The following ERG variants were observed in gnomAD, a reference collection of about 807,000 sequenced individuals.
ERG encodes the protein ETS transcription factor ERG, also known as transcriptional regulator ERG.
Under a neutral mutation model 55.3 loss-of-function variants are expected in ERG, and 9 were observed. The ratio of observed to expected loss-of-function variants is 0.16; its 90% confidence interval spans 0.10 to 0.28. The LOEUF (loss-of-function observed/expected upper bound fraction) is 0.28, where lower values mean the gene tolerates loss of function less well. Ranked by LOEUF, ERG falls within the 10% of genes least tolerant of loss-of-function variation. The pLI is 1.00. For missense variants in ERG, 434 were observed against 631.6 expected, an observed-to-expected ratio of 0.69 and a Z score of 3.35; for synonymous variants, 223 against 237.3, an observed-to-expected ratio of 0.94 and a Z score of 0.55.
chr21:38,482,471 T>C (rs1056658230), intron 1 of ERG, among the ~76,000 whole-genome samples: 2 of 152,006 alleles, frequency 1.3e-5, no homozygotes, highest in African/African-American at 2.4e-5. Context: ...CCTAAAGAAA[T>C]TAAAAATAGA....
rs138048546 is a variant in ERG, at chr21:38,552,902, A to C, written c.-41+22760T>G. Among the ~76,000 whole-genome samples, 638 of 152,148 alleles carry C rather than the reference A, an allele frequency of 4.2e-3. 9 individuals are homozygous for C. The highest frequency in any genetic ancestry group is 4.2e-3 in the Non-Finnish European group (286 of 67,978). Reference sequence around the variant, plus strand: ...AAATGGGAAGAGAGGAAGTCAAACTATCTCTCTTCACAGAGGACGTGATTT... The same window carrying C: ...AAATGGGAAGAGAGGAAGTCAAACTCTCTCTCTTCACAGAGGACGTGATTT... On this transcript the variant is annotated intron_variant, in intron 2 of 8. Transcript: ENST00000398897.
chr21:38,408,189 A>T (rs1018674761), intron 3 of ERG, among the ~76,000 whole-genome samples: 6 of 152,104 alleles, frequency 3.9e-5, no homozygotes, highest in Non-Finnish European at 8.8e-5. Flanking sequence ...TCTCCTGAGC[A>T]CTCGCACCAC....
At chr21:38,618,976 C>T (rs1387981624) in intron 1 of ERG, among the ~76,000 whole-genome samples, 2 of 152,182 alleles carry the variant, frequency 1.3e-5, no homozygotes, top group Non-Finnish European at 2.9e-5. Context: ...GGATAAGGAC[C>T]TGAAACATGA....
At chr21:38,429,916 T>C (rs1990126731) in intron 2 of ERG, among the ~76,000 whole-genome samples, 1 of 152,186 alleles carries the variant, frequency 6.6e-6, no homozygotes, top group Non-Finnish European at 1.5e-5. Context: ...CTGGATCAAA[T>C]GGTAGTTTTA....
In ERG at chr21:38,422,389, G is replaced by A. The variant is rs1463906204; in HGVS notation, c.388+1021C>T. ...GAGACTAAAGGAGTAAGGCAGACCT[G>A]CCTGAGTCCTAACTTGGCCTCTTAT... is the stretch of plus-strand genomic sequence containing the variant. On this transcript the variant is annotated intron_variant, in intron 3 of 9. Transcript: ENST00000288319. Among the ~76,000 whole-genome samples, 8 of 152,244 alleles carry A rather than the reference G, an allele frequency of 5.3e-5. No homozygotes were observed. The East Asian group carries it at 1.5e-3, about 29-fold the overall frequency.
At chr21:38,553,111 T>C (rs1341653156) in intron 2 of ERG, among the ~76,000 whole-genome samples, 1 of 151,922 alleles carries the variant, frequency 6.6e-6, no homozygotes, top group Non-Finnish European at 1.5e-5. Context: ...AAAAATACAA[T>C]ACTTAAGGGT....
At chr21:38,561,261 C>G (rs2059891127) in intron 2 of ERG, among the ~76,000 whole-genome samples, 1 of 152,082 alleles carries the variant, frequency 6.6e-6, no homozygotes. Context: ...TATCTTCTCC[C>G]TCTTGGTCTG....
chr21:38,604,321 A>C (rs1287940359), intron 1 of ERG, among the ~76,000 whole-genome samples: 1 of 152,044 alleles, frequency 6.6e-6, no homozygotes, highest in African/African-American at 2.4e-5. Context: ...TGTCTACAAA[A>C]TTATGAGAAT....
At position 38,387,865 on chromosome 21, in the gene ERG, G is replaced by A. The variant is rs371508013; in HGVS notation, c.919+3130C>T. 7.9e-5 allele frequency among the ~76,000 whole-genome samples: 12 copies of A among 152,344 alleles called. No individual in the cohort carries two copies. The East Asian group carries it at 2.1e-3, about 27-fold the overall frequency. On this transcript the variant is annotated intron_variant, in intron 9 of 9. Transcript: ENST00000288319. Reference sequence around the variant, plus strand: ...ATCATGTGATTAGTCCATTGGAGAAGTGACGAAATTGGAGCTTAGAGAGGT... The same window carrying A: ...ATCATGTGATTAGTCCATTGGAGAAATGACGAAATTGGAGCTTAGAGAGGT...
intron 2 of ERG, among the ~76,000 whole-genome samples, chr21:38,537,351 G>A (rs1425846102): frequency 6.6e-5 from 10 of 151,752 alleles, no homozygotes; most frequent in Admixed American, 6.6e-4. Context: ...AGTCAAACAA[G>A]CTATCAACAA....
intron 1 of ERG, among the ~76,000 whole-genome samples, chr21:38,606,249 A>AT (rs1477843622): frequency 6.6e-6 from 1 of 152,134 alleles, no homozygotes; most frequent in African/African-American, 2.4e-5. Flanking sequence ...TTGATAGAAG[A>AT]TAGGTAGGTA....
rs138825224 is a variant in ERG at position 38,506,211 on chromosome 21, A to G, written c.-41+69451T>C. On this transcript the variant is annotated intron_variant, in intron 2 of 8. Coordinates refer to the ERG transcript ENST00000398897. Reference sequence around the variant, plus strand: ...AATGATTTTAAAGCCTGAAAAATTTACCACTTTACAATAATTTTAGATTGT... The same window carrying G: ...AATGATTTTAAAGCCTGAAAAATTTGCCACTTTACAATAATTTTAGATTGT... Among the ~76,000 whole-genome samples the G allele has an allele frequency of 1.1e-4, 17 of 152,312 alleles. No homozygotes were observed. In the East Asian group the frequency reaches 2.9e-3, roughly 26 times the overall value.
intron 2 of ERG, among the ~76,000 whole-genome samples, chr21:38,512,736 T>C (rs1201214798): frequency 1.3e-5 from 2 of 152,162 alleles, no homozygotes; most frequent in African/African-American, 4.8e-5. Context: ...AAATTTAGGA[T>C]AAAACAAGTG....
At chr21:38,416,689 A>G (rs559702779) in intron 3 of ERG, among the ~76,000 whole-genome samples, 12 of 152,242 alleles carry the variant, frequency 7.9e-5, no homozygotes, top group Non-Finnish European at 1.8e-4. Flanking sequence ...GCATTTGAGA[A>G]TACAATATGA....
the ERG span, among the ~76,000 whole-genome samples, chr21:38,370,472 T>C: frequency 3.3e-5 from 5 of 152,144 alleles, no homozygotes; most frequent in Non-Finnish European, 5.9e-5. Context: ...GTTGTAGTTT[T>C]TATGTCTTGT....
At chr21:38,511,594 C>A (rs2059512037) in intron 2 of ERG, among the ~76,000 whole-genome samples, 1 of 152,116 alleles carries the variant, frequency 6.6e-6, no homozygotes, top group Non-Finnish European at 1.5e-5. Context: ...AACAATTCTG[C>A]CAATGAAAAT....
intron 1 of ERG, among the ~76,000 whole-genome samples, chr21:38,630,111 A>C (rs2060348430): frequency 6.6e-6 from 1 of 152,110 alleles, no homozygotes; most frequent in Non-Finnish European, 1.5e-5. Context: ...GAAAGGGGGA[A>C]GGGGGAATTA....
At chr21:38,392,534 A>G in intron 6 of ERG, 90 bp from the exon 7 acceptor site, 1 of 971,124 alleles carries the variant, frequency 1.0e-6, no homozygotes, top group South Asian at 2.2e-5. Context: ...TATTTATTAG[A>G]ATAAACTTTG....
At chr21:38,484,361 T>C (rs917722185) in intron 1 of ERG, among the ~76,000 whole-genome samples, 2 of 152,208 alleles carry the variant, frequency 1.3e-5, no homozygotes, top group Non-Finnish European at 2.9e-5. Context: ...TCTAAGTAGT[T>C]GGTTCAAAAT....
Sources: allele counts gnomAD v4.1 joint callset (sites outside exome capture counted in the v4.1 genomes callset), GRCh38; gene constraint gnomAD v4.1.1; transcripts MANE v1.5; gene names NCBI Gene and HGNC (gene_info 2026-07-23, HGNC 2026-07-21).